The following TXNRD3 variants were observed in gnomAD, a reference collection of about 807,000 sequenced individuals.
The protein encoded by TXNRD3 is thioredoxin reductase 3.
In TXNRD3, 68 loss-of-function variants were observed where a neutral mutation model predicts 78.2. That is an observed-to-expected ratio of 0.87 (90% confidence interval 0.72 to 1.06). The LOEUF is 1.06. Ranked by LOEUF, TXNRD3 falls within the 50% of genes least tolerant of loss-of-function variation. The pLI is 0.00. For synonymous variants in TXNRD3, 296 were observed against 300.1 expected, an observed-to-expected ratio of 0.99 and a Z score of 0.14; for missense variants, 751 against 809.5, an observed-to-expected ratio of 0.93 and a Z score of 0.88.
chr3:126,641,699 G>A (rs1933092881), intron 6 of TXNRD3, among the ~76,000 whole-genome samples: 1 of 151,932 alleles, frequency 6.6e-6, no homozygotes, highest in African/African-American at 2.4e-5. Flanking sequence ...GAGAAAAAAT[G>A]TTATAATAAC....
At position 126,643,830 on chromosome 3, in the gene TXNRD3, G is replaced by T. The variant is rs1933152642; in HGVS notation, c.592+151C>A. The T allele has an allele frequency of 9.7e-6, 6 of 619,952 alleles. No homozygotes were observed. The South Asian group carries it at 2.0e-4, about 21-fold the overall frequency. 38.4% of individuals were successfully genotyped at this position (619,952 alleles called of 1,614,324 possible). A position where few individuals can be genotyped will look rare whatever the true frequency, so the allele number is the denominator to read the frequency against. On this transcript the variant is annotated intron_variant, in intron 5 of 15. Transcript: ENST00000524230. ...CAAAGTGCTGGGATTTCAGGCATGA[G>T]CCTCTGGGCCAGGCCTAGACTCGCT...
intron 10 of TXNRD3, chr3:126,626,094 C>A (rs1016572929): frequency 6.6e-6 from 1 of 152,062 alleles, no homozygotes; most frequent in African/African-American, 2.4e-5. Flanking sequence ...CAACTTAAAT[C>A]TAATTAAAAT....
At position 126,647,284 on chromosome 3, in the gene TXNRD3, A is replaced by C; in HGVS notation, c.256T>G (p.Phe86Val). ...TTACATTCGACTCCCAAAGAAGAAAAGAGTTCTTTCACCTGTAAAAAAAAT... is the reference window on the plus strand; with the variant it reads ...TTACATTCGACTCCCAAAGAAGAAACGAGTTCTTTCACCTGTAAAAAAAAT... The change falls in exon 2 of 16, where the codon TTT (phenylalanine) becomes GTT (valine). Residue 86 changes from phenylalanine to valine, a missense_variant. Physicochemically the swap from Phe to Val is conservative, Grantham distance 50 (BLOSUM62 -1). Transcript: ENST00000524230. The C allele has an allele frequency of 6.5e-7, 1 of 1,535,640 alleles. No homozygotes were observed.
At chr3:126,647,054 A>G (rs556410529) in intron 2 of TXNRD3, among the ~76,000 whole-genome samples, 182 bp downstream of exon 2, 2 of 152,350 alleles carry the variant, frequency 1.3e-5, no homozygotes, top group Admixed American at 1.3e-4. Context: ...ATGTATAAAT[A>G]AAAAAACTAC....
In TXNRD3 at chr3:126,629,477, A is replaced by T. The variant is rs1938660257; in HGVS notation, c.1198-6T>A. On this transcript the variant is annotated splice_polypyrimidine_tract_variant and splice_region_variant and intron_variant, in intron 9 of 15. Coordinates refer to ENST00000524230, the MANE Select transcript of TXNRD3 (RefSeq NM_052883.3). The stretch of plus-strand genomic sequence containing the variant: ...CCTTTCTCCAACTGTTGAACCTAGT[A>T]AGAATGAAGAGTGTAATGATGTTAT... The T allele has an allele frequency of 6.5e-7, 1 of 1,529,640 alleles. No homozygotes were observed. Among genetic ancestry groups the T allele is most frequent in the Non-Finnish European group, 8.8e-7 (1 of 1,141,366 alleles). The allele number at this position is 1,529,640 out of a possible 1,614,324, so 94.8% of individuals were successfully genotyped here.
chr3:126,624,522 G>A (rs1002702371), intron 10 of TXNRD3, among the ~76,000 whole-genome samples: 2 of 151,612 alleles, frequency 1.3e-5, no homozygotes, highest in African/African-American at 2.4e-5. Flanking sequence ...CCGGGTTCAC[G>A]CCATTCTCCT....
intron 10 of TXNRD3, among the ~76,000 whole-genome samples, chr3:126,624,400 T>C (rs563581854): frequency 6.6e-6 from 1 of 151,664 alleles, no homozygotes; most frequent in Non-Finnish European, 1.5e-5. Context: ...AGCACAGAAA[T>C]AGACCCACAG....
At chr3:126,646,294 C>T in intron 2 of TXNRD3, 74 bp from the exon 3 acceptor site, 1 of 1,211,750 alleles carries the variant, frequency 8.3e-7, no homozygotes, top group Non-Finnish European at 1.1e-6. Flanking sequence ...CAAAGTGTTA[C>T]AACACTCAAA....
intron 1 of TXNRD3, among the ~76,000 whole-genome samples, chr3:126,653,761 T>C (rs1013561294): frequency 1.3e-5 from 2 of 152,190 alleles, no homozygotes; most frequent in East Asian, 3.9e-4. Context: ...AATAAACATA[T>C]AGCTGTACTG....
chr3:126,649,419 T>C (rs1420922539), intron 1 of TXNRD3, among the ~76,000 whole-genome samples: 3 of 152,338 alleles, frequency 2.0e-5, no homozygotes, highest in South Asian at 4.1e-4. Context: ...GTTGCCACTA[T>C]GGAAAACAGA....
chr3:126,633,653 C>T (rs1410356569), intron 7 of TXNRD3, among the ~76,000 whole-genome samples: 1 of 152,106 alleles, frequency 6.6e-6, no homozygotes, highest in Non-Finnish European at 1.5e-5. Context: ...AACATGTTCT[C>T]TTTTAAGACG....
chr3:126,629,272 A>C, intron 10 of TXNRD3, 107 bp downstream of exon 10: 2 of 853,150 alleles, frequency 2.3e-6, no homozygotes, highest in African/African-American at 3.4e-5. Flanking sequence ...TACAAAGAAT[A>C]AAAAAAGTAA....
At chr3:126,614,811 C>T (rs1938275872) in intron 13 of TXNRD3, among the ~76,000 whole-genome samples, 1 of 152,172 alleles carries the variant, frequency 6.6e-6, no homozygotes, top group South Asian at 2.1e-4. Flanking sequence ...CCCTCCAATT[C>T]TTTTTATCCT....
intron 14 of TXNRD3, 131 bp from the exon 15 acceptor site, chr3:126,608,764 C>T: frequency 9.6e-7 from 1 of 1,040,690 alleles, no homozygotes; most frequent in Non-Finnish European, 1.3e-6. Flanking sequence ...TCAAAGTGAG[C>T]AGAGAACATT....
chr3:126,637,224 CTAAT>C (rs1280606351), intron 6 of TXNRD3, among the ~76,000 whole-genome samples: 16 of 152,140 alleles, frequency 1.1e-4, no homozygotes, highest in Non-Finnish European at 2.4e-4. Context: ...ATTATGACCA[CTAAT>C]TTTTATACTC....
chr3:126,648,308 T>C (rs945808946), intron 1 of TXNRD3, among the ~76,000 whole-genome samples: 1 of 152,234 alleles, frequency 6.6e-6, no homozygotes, highest in Non-Finnish European at 1.5e-5. Context: ...CAAAGCACTC[T>C]ACAGATTTAA....
intron 1 of TXNRD3, among the ~76,000 whole-genome samples, chr3:126,649,405 T>C (rs923115377): frequency 6.6e-6 from 1 of 152,212 alleles, no homozygotes; most frequent in East Asian, 1.9e-4. Flanking sequence ...GAATGTAAAA[T>C]AGTGTTGCCA....
chr3:126,640,094 CTTTTTTTTTTTTT>C (rs747114940), intron 6 of TXNRD3, among the ~76,000 whole-genome samples: 1 of 14,320 alleles, frequency 7.0e-5, no homozygotes, highest in African/African-American at 1.7e-4. Flanking sequence ...CTTGTGTTTT[CTTTTTTTTTTTTT>C]TTTTTTTTTT....
intron 6 of TXNRD3, 90 bp from the exon 7 acceptor site, chr3:126,634,141 T>G (rs895950883): frequency 5.4e-5 from 64 of 1,187,102 alleles, no homozygotes; most frequent in African/African-American, 6.2e-5. Flanking sequence ...ATACTAACAG[T>G]GCTTTAAAAA....
Sources: gnomAD v4.1 joint callset for allele counts (sites outside exome capture counted in the v4.1 genomes callset) on GRCh38, gnomAD v4.1.1 for gene constraint, MANE v1.5 for transcripts, NCBI Gene and HGNC (gene_info 2026-07-23, HGNC 2026-07-21) for gene names.